DPP9: variants seen among roughly 807,000 people sequenced by gnomAD.
DPP9 encodes dipeptidyl peptidase 9.
A neutral mutation model predicts 110.7 loss-of-function variants in DPP9; 50 were observed. The observed-to-expected ratio is 0.45, with a 90% confidence interval of 0.36 to 0.57. The LOEUF (loss-of-function observed/expected upper bound fraction) is 0.57. DPP9 is among the 20% of genes least tolerant of loss of function. The pLI is 0.00. For missense variants in DPP9, 1,022 were observed against 1,217.9 expected (o/e 0.84, Z 2.39); for synonymous variants, 561 against 514.4 (o/e 1.09, Z -1.23).
rs1439449666 is a variant in DPP9, at chr19:4,694,302, CACAG to C, written c.1516+355_1516+358del. On this transcript the variant is annotated intron_variant, in intron 13 of 21. Coordinates refer to ENST00000262960, the MANE Select transcript of DPP9 (RefSeq NM_139159.5). This position sits in a 1 kb window ranked among gnomAD's most constrained non-coding sequence, Gnocchi z 4.0. ...TCTGCTGCTGCAGCACAAAAGCGAC[CACAG>C]ACAGTCTCTGTAAACAAGTGGCTGT... is the stretch of plus-strand genomic sequence containing the variant. The C allele has an allele frequency of 9.4e-6, 4 of 425,004 alleles. No individual in the cohort carries two copies. Among genetic ancestry groups the C allele is most frequent in the Middle Eastern group, 5.9e-4 (1 of 1,686 alleles). The allele number at this position is 425,004 out of a possible 1,614,324, so 26.3% of individuals were successfully genotyped here.
chr19:4,715,756 G>T (rs1285930507), intron 3 of DPP9: 1 of 152,114 alleles, frequency 6.6e-6, no homozygotes, highest in Non-Finnish European at 1.5e-5. Context: ...AGGTGAAAGG[G>T]TGAATGGCAC....
At chr19:4,697,082 G>C (rs2091869536) in intron 11 of DPP9, among the ~76,000 whole-genome samples, 1 of 151,696 alleles carries the variant, frequency 6.6e-6, no homozygotes, top group African/African-American at 2.4e-5. Flanking sequence ...TTGGGCGACA[G>C]AGCGAGACTC....
intron 9 of DPP9, 80 bp downstream of exon 9, chr19:4,701,947 G>A (rs2092286679): frequency 3.9e-6 from 6 of 1,549,570 alleles, no homozygotes; most frequent in Non-Finnish European, 5.2e-6. Context: ...CAGAGGGCCT[G>A]GGGGACAGTG....
At position 4,693,094 on chromosome 19, in the gene DPP9, G is replaced by C. The variant is rs2091472281; in HGVS notation, c.1516+1567C>G. ...TGGGCTCTGCCCCCAGAGGGCACCGGACCACATCTAGGGACATCTGTGGTT... is the reference window on the plus strand; with the variant it reads ...TGGGCTCTGCCCCCAGAGGGCACCGCACCACATCTAGGGACATCTGTGGTT... On this transcript the variant is annotated intron_variant, in intron 13 of 21. Transcript: ENST00000262960. The surrounding 1 kb of genome is among the most constrained non-coding windows in gnomAD (Gnocchi z 5.0). 6.6e-6 allele frequency among the ~76,000 whole-genome samples: 1 copy of C among 152,154 alleles called. No individual in the cohort carries two copies. Among genetic ancestry groups the C allele is most frequent in the African/African-American group, 2.4e-5 (1 of 41,424 alleles).
In DPP9 at chr19:4,676,578, G is replaced by T. The variant is rs1458304309; in HGVS notation, c.2665C>A (p.Gln889Lys). 1 of 1,603,262 alleles carries T rather than the reference G, an allele frequency of 6.2e-7. No homozygotes were observed. The highest frequency in any genetic ancestry group is 1.7e-5 in the Admixed American group (1 of 58,452). The change falls in exon 22 of 22, where the codon CAG (glutamine) becomes AAG (lysine). Residue 889 changes from glutamine to lysine, a missense_variant. This residue lies in a region of DPP9 where 209 missense variants were observed against 280.4 expected (regional missense o/e 0.75). Coordinates refer to ENST00000262960, the MANE Select transcript of DPP9 (RefSeq NM_139159.5). The surrounding 1 kb of genome is among the most constrained non-coding windows in gnomAD (Gnocchi z 4.0). Reference sequence around the variant, plus strand: ...GGTGGGCAGGCTCAGAGGTATTCCTGTAGAAAGTGCAGCAACGTGACTTCA... The same window carrying T: ...GGTGGGCAGGCTCAGAGGTATTCCTTTAGAAAGTGCAGCAACGTGACTTCA... ...HYEVTLLHFL[Q>K]EYL
At chr19:4,712,937 A>ACG (rs1371324179) in intron 4 of DPP9, among the ~76,000 whole-genome samples, 3 of 152,176 alleles carry the variant, frequency 2.0e-5, no homozygotes, top group African/African-American at 7.2e-5. Context: ...GCTGCAGCAC[A>ACG]CGCGGGCCTG....
Position 4,694,542 on chromosome 19 carries a change from T to C in DPP9, c.1516+119A>G. 2 of 1,312,816 alleles carry C rather than the reference T, an allele frequency of 1.5e-6. No individual in the cohort carries two copies. Among genetic ancestry groups the C allele is most frequent in the Admixed American group, 2.2e-5 (1 of 46,360 alleles). The allele number at this position is 1,312,816 out of a possible 1,614,324, so 81.3% of individuals were successfully genotyped here. ...GGAAGGCTGGCTTCCTGCCGATCCC[T>C]GTTCCTTCTCCCGCAGGGTGTGCTG... is the stretch of plus-strand genomic sequence containing the variant. On this transcript the variant is annotated intron_variant, in intron 13 of 21. Transcript: ENST00000262960. This position sits in a 1 kb window ranked among gnomAD's most constrained non-coding sequence, Gnocchi z 4.0.
Position 4,694,526 on chromosome 19 carries a change from G to A in DPP9, c.1516+135C>T, listed in dbSNP as rs2091615994. On this transcript the variant is annotated intron_variant, in intron 13 of 21. Coordinates refer to ENST00000262960, the MANE Select transcript of DPP9 (RefSeq NM_139159.5). The surrounding 1 kb of genome is among the most constrained non-coding windows in gnomAD (Gnocchi z 4.0). The stretch of plus-strand genomic sequence containing the variant: ...ATCATGCAGTCACTGGGGAAGGCTG[G>A]CTTCCTGCCGATCCCTGTTCCTTCT... 3.4e-6 allele frequency: 4 copies of A among 1,162,646 alleles called. No homozygotes were observed. The highest frequency in any genetic ancestry group is 4.8e-6 in the Non-Finnish European group (4 of 832,606). 72.0% of individuals were successfully genotyped at this position (1,162,646 alleles called of 1,614,324 possible). A position where few individuals can be genotyped will look rare whatever the true frequency, so the allele number is the denominator to read the frequency against.
Position 4,720,544 on chromosome 19 carries a change from C to T in DPP9, c.-35-603G>A, listed in dbSNP as rs78322984. Reference sequence around the variant, plus strand: ...GGCGACCCCCATCACCACACCCAGACGCTGATACAATGGCCTGGACCATAA... The same window carrying T: ...GGCGACCCCCATCACCACACCCAGATGCTGATACAATGGCCTGGACCATAA... On this transcript the variant is annotated intron_variant, in intron 2 of 21. Transcript: ENST00000262960. 1.4e-3 allele frequency among the ~76,000 whole-genome samples: 218 copies of T among 152,316 alleles called. 4 individuals carry two copies. The East Asian group carries it at 0.03, about 21-fold the overall frequency.
chr19:4,700,144 C>T lies in DPP9; in HGVS notation c.1074+72G>A. 1 of 1,288,652 alleles carries T rather than the reference C, an allele frequency of 7.8e-7. No homozygotes were observed. The highest frequency in any genetic ancestry group is 1.0e-6 in the Non-Finnish European group (1 of 953,952). 79.8% of individuals were successfully genotyped at this position (1,288,652 alleles called of 1,614,324 possible). A position where few individuals can be genotyped will look rare whatever the true frequency, so the allele number is the denominator to read the frequency against. ...AGAGGGAGGTGAGTGACCTGCCCAT[C>T]CACCCAGCTGCCTACCCGGCCCTTC... On this transcript the variant is annotated intron_variant, in intron 10 of 21. Transcript: ENST00000262960. The surrounding 1 kb of genome is among the most constrained non-coding windows in gnomAD (Gnocchi z 4.3).
chr19:4,694,921 G>T lies in DPP9; in HGVS notation c.1354-98C>A. The T allele has an allele frequency of 7.8e-7, 1 of 1,281,168 alleles. No individual in the cohort carries two copies. Among genetic ancestry groups the T allele is most frequent in the East Asian group, 2.4e-5 (1 of 41,004 alleles). 79.4% of individuals were successfully genotyped at this position (1,281,168 alleles called of 1,614,324 possible). The stretch of plus-strand genomic sequence containing the variant: ...CCAGTAGTTTGGGAGGCTGGGGCAG[G>T]AGACTTGCTTGAGCCCAGGAATTTC... On this transcript the variant is annotated intron_variant, in intron 12 of 21. Transcript: ENST00000262960. This position sits in a 1 kb window ranked among gnomAD's most constrained non-coding sequence, Gnocchi z 4.0.
intron 7 of DPP9, among the ~76,000 whole-genome samples, 163 bp downstream of exon 7, chr19:4,703,723 C>T (rs370095921): frequency 6.0e-5 from 9 of 150,886 alleles, no homozygotes; most frequent in African/African-American, 1.5e-4. Flanking sequence ...GCGGCAGGGA[C>T]GCCAGGACCT....
intron 2 of DPP9, among the ~76,000 whole-genome samples, chr19:4,721,003 C>T (rs1423241938): frequency 2.0e-5 from 3 of 152,146 alleles, no homozygotes; most frequent in Admixed American, 2.0e-4. Flanking sequence ...GATCATGGGA[C>T]GCAGTCTCTT....
intron 19 of DPP9, chr19:4,683,228 CCACAGAGAGCTGCTGGCGGGG>C: frequency 7.0e-7 from 1 of 1,430,630 alleles, no homozygotes; most frequent in East Asian, 2.6e-5. Context: ...GCTCAGCCTC[CCACAGAGAGCTGCTGGCGGGG>C]TTTTGTGCAG....
At chr19:4,683,731 G>A in intron 18 of DPP9, 102 bp from the exon 19 acceptor site, 1 of 1,609,644 alleles carries the variant, frequency 6.2e-7, no homozygotes, top group Non-Finnish European at 8.5e-7. Context: ...CCTCTTGGAT[G>A]AAAAGTGGCT....
intron 4 of DPP9, among the ~76,000 whole-genome samples, chr19:4,709,213 C>T (rs755505768): frequency 5.3e-5 from 8 of 152,030 alleles, no homozygotes; most frequent in Non-Finnish European, 1.0e-4. Flanking sequence ...CCACCACACC[C>T]GGCCAGTTGT....
chr19:4,709,990 C>T lies in DPP9; in HGVS notation c.314-4020G>A, dbSNP rs1269101541. Among the ~76,000 whole-genome samples the T allele has an allele frequency of 2.0e-5, 3 of 152,218 alleles. No homozygotes were observed. In the East Asian group the frequency reaches 5.8e-4, roughly 29 times the overall value. On this transcript the variant is annotated intron_variant, in intron 4 of 21. Transcript: ENST00000262960. ...ACCAAATGGCCCCTGCCAGCACATT[C>T]CTCGGGCGAGCTGCTGCTGGCACTA...
intron 20 of DPP9, among the ~76,000 whole-genome samples, chr19:4,681,826 A>G (rs1189758528): frequency 2.0e-5 from 3 of 148,346 alleles, no homozygotes; most frequent in Non-Finnish European, 4.4e-5. Context: ...TTGGCCTCCC[A>G]AAGTGCCCAG....
rs2092020157 is a variant in DPP9 at position 4,698,933 on chromosome 19, C to T, written c.1075-1282G>A. 1.3e-5 allele frequency among the ~76,000 whole-genome samples: 2 copies of T among 151,804 alleles called. No individual in the cohort carries two copies. The highest frequency in any genetic ancestry group is 6.6e-5 in the Admixed American group (1 of 15,236). On this transcript the variant is annotated intron_variant, in intron 10 of 21. Transcript: ENST00000262960. The surrounding 1 kb of genome is among the most constrained non-coding windows in gnomAD (Gnocchi z 4.2). The stretch of plus-strand genomic sequence containing the variant: ...CAACACTTTGGGAGGCCGAGGCGGG[C>T]GGATCACGAGGTCAGGAGATTGAGA...
Sources: gnomAD v4.1 joint callset for allele counts (sites outside exome capture counted in the v4.1 genomes callset) on GRCh38, gnomAD v4.1.1 for gene constraint, gnomAD v4.1.1 regional missense constraint, Gnocchi (gnomAD v3.1) non-coding constraint, MANE v1.5 for transcripts, NCBI Gene and HGNC (gene_info 2026-07-23, HGNC 2026-07-21) for gene names.